GAS2: variants seen among roughly 807,000 people sequenced by gnomAD.
GAS2 encodes growth arrest-specific protein 2.
A neutral mutation model predicts 37.5 loss-of-function variants in GAS2; 20 were observed. That is an observed-to-expected ratio of 0.53 (90% CI 0.37 to 0.77). GAS2 has a LOEUF of 0.77. GAS2 is among the 30% of genes least tolerant of loss of function. The pLI is 0.00. For missense variants in GAS2, 336 were observed against 373.4 expected, an observed-to-expected ratio of 0.90 and a Z score of 0.82; for synonymous variants, 144 against 132.2, an observed-to-expected ratio of 1.09 and a Z score of -0.61.
At chr11:22,801,109 ATTC>A (rs1189059087) in intron 7 of GAS2, among the ~76,000 whole-genome samples, 1 of 152,070 alleles carries the variant, frequency 6.6e-6, no homozygotes, top group Non-Finnish European at 1.5e-5. Context: ...AGGAAAAGAC[ATTC>A]TTCTTTTTTT....
At chr11:22,783,811 T>C (rs1316834103) in intron 7 of GAS2, among the ~76,000 whole-genome samples, 1 of 152,202 alleles carries the variant, frequency 6.6e-6, no homozygotes, top group Non-Finnish European at 1.5e-5. Context: ...CCACCTTGGG[T>C]GTTTTTTTGT....
chr11:22,741,358 A>G (rs905159018), intron 5 of GAS2, among the ~76,000 whole-genome samples: 17 of 152,136 alleles, frequency 1.1e-4, no homozygotes, highest in Admixed American at 3.9e-4. Flanking sequence ...CCTCAAAGAT[A>G]TTTTTACTGA....
chr11:22,766,194 C>T (rs1008725421), intron 7 of GAS2, among the ~76,000 whole-genome samples: 1 of 151,980 alleles, frequency 6.6e-6, no homozygotes, highest in Non-Finnish European at 1.5e-5. Context: ...ATTTAATACT[C>T]ACCAAATGCT....
chr11:22,668,835 T>C (rs1849091062), intron 1 of GAS2, among the ~76,000 whole-genome samples: 3 of 152,210 alleles, frequency 2.0e-5, no homozygotes, highest in Admixed American at 6.5e-5. Flanking sequence ...CTGCAGGGCA[T>C]GTTGTAAGGT....
intron 1 of GAS2, among the ~76,000 whole-genome samples, chr11:22,628,817 A>G (rs912576481): frequency 2.0e-5 from 3 of 152,078 alleles, no homozygotes; most frequent in Non-Finnish European, 4.4e-5. Flanking sequence ...TCCAGTGTCC[A>G]TTATACCACT....
intron 2 of GAS2, among the ~76,000 whole-genome samples, chr11:22,681,538 C>CT (rs1342315830): frequency 6.6e-6 from 1 of 152,130 alleles, no homozygotes; most frequent in Non-Finnish European, 1.5e-5. Flanking sequence ...CCGGTCAGGA[C>CT]TTTAACATGA....
intron 7 of GAS2, among the ~76,000 whole-genome samples, chr11:22,811,005 C>T (rs1331911891): frequency 6.6e-6 from 1 of 152,022 alleles, no homozygotes; most frequent in East Asian, 1.9e-4. Context: ...TGCAACATTA[C>T]CTCTTAATAT....
At chr11:22,650,738 A>T (rs541528573) in intron 1 of GAS2, among the ~76,000 whole-genome samples, 3 of 152,108 alleles carry the variant, frequency 2.0e-5, no homozygotes, top group Non-Finnish European at 4.4e-5. Flanking sequence ...CTAGAATTGC[A>T]ACCCCTGCCT....
At chr11:22,634,838 G>T (rs1464323004) in intron 1 of GAS2, among the ~76,000 whole-genome samples, 1 of 152,154 alleles carries the variant, frequency 6.6e-6, no homozygotes, top group East Asian at 1.9e-4. Flanking sequence ...AGATTTTCTT[G>T]GTTATAAATG....
intron 1 of GAS2, among the ~76,000 whole-genome samples, chr11:22,637,467 GTATACTTAATAT>G (rs1858848118): frequency 2.3e-4 from 1 of 4,340 alleles, no homozygotes; most frequent in Non-Finnish European, 4.6e-4. Context: ...TATATTAATA[GTATACTTAATAT>G]AATATTAATT....
chr11:22,718,328 C>T (rs1233055421), intron 3 of GAS2, among the ~76,000 whole-genome samples: 1 of 151,844 alleles, frequency 6.6e-6, no homozygotes, highest in African/African-American at 2.4e-5. Flanking sequence ...GAATACTACT[C>T]AGTCATAAAA....
At chr11:22,727,794 C>A (rs541909076) in intron 4 of GAS2, among the ~76,000 whole-genome samples, 12 of 151,980 alleles carry the variant, frequency 7.9e-5, no homozygotes, top group African/African-American at 2.9e-4. Context: ...TTTTTCAGTC[C>A]TGTGGTTAAT....
At chr11:22,731,390 G>A in intron 4 of GAS2, 1 of 444,984 alleles carries the variant, frequency 2.2e-6, no homozygotes, top group Non-Finnish European at 4.5e-6. Flanking sequence ...TACTCAACAA[G>A]AAAAGGGTTT....
chr11:22,765,077 G>A (rs748683280), intron 7 of GAS2, among the ~76,000 whole-genome samples: 39 of 152,256 alleles, frequency 2.6e-4, no homozygotes, highest in Non-Finnish European at 4.9e-4. Flanking sequence ...AAACTGCACA[G>A]CTTCTATAAT....
At chr11:22,655,971 C>T (rs375163458) in intron 1 of GAS2, among the ~76,000 whole-genome samples, 2 of 152,092 alleles carry the variant, frequency 1.3e-5, no homozygotes, top group East Asian at 1.9e-4. Flanking sequence ...GTGGGTCATA[C>T]GTTCTTCCAC....
At chr11:22,768,523 C>T (rs1854813198) in intron 7 of GAS2, among the ~76,000 whole-genome samples, 1 of 152,170 alleles carries the variant, frequency 6.6e-6, no homozygotes, top group Non-Finnish European at 1.5e-5. Flanking sequence ...TGCCTTCTCT[C>T]TAGGCCAGAG....
chr11:22,789,839 C>G (rs1215392441), intron 7 of GAS2, among the ~76,000 whole-genome samples: 1 of 151,854 alleles, frequency 6.6e-6, no homozygotes, highest in Admixed American at 6.6e-5. Flanking sequence ...GAGAGATATA[C>G]GGATATATAT....
chr11:22,643,728 T>C (rs1848656108), intron 1 of GAS2, among the ~76,000 whole-genome samples: 1 of 152,032 alleles, frequency 6.6e-6, no homozygotes, highest in East Asian at 1.9e-4. Context: ...CCGGGTTCTG[T>C]TTTTACCTTT....
chr11:22,792,470 A>G (rs1369022687), intron 7 of GAS2, among the ~76,000 whole-genome samples: 2 of 152,236 alleles, frequency 1.3e-5, no homozygotes. Context: ...TAGAAGTTGA[A>G]CTGGTGACAA....
Sources: gnomAD v4.1 joint callset for allele counts (sites outside exome capture counted in the v4.1 genomes callset) on GRCh38, gnomAD v4.1.1 for gene constraint, MANE v1.5 for transcripts, NCBI Gene and HGNC (gene_info 2026-07-23, HGNC 2026-07-21) for gene names.